ZFPM2: variants seen among roughly 807,000 people sequenced by gnomAD.
The protein encoded by ZFPM2 is zinc finger protein ZFPM2.
A neutral mutation model predicts 98.6 loss-of-function variants in ZFPM2; 20 were observed. The observed-to-expected ratio is 0.20, with a 90% confidence interval of 0.14 to 0.29. ZFPM2 has a LOEUF of 0.29. Ranked by LOEUF, ZFPM2 falls within the 10% of genes least tolerant of loss-of-function variation. The pLI, the probability that ZFPM2 is intolerant of heterozygous loss-of-function variation, is 1.00. For synonymous variants in ZFPM2, 518 were observed against 502.7 expected (o/e 1.03, Z -0.41); for missense variants, 1,310 against 1,388.6 (o/e 0.94, Z 0.90).
intron 5 of ZFPM2, among the ~76,000 whole-genome samples, chr8:105,673,150 T>G (rs1203956862): frequency 6.6e-6 from 1 of 151,518 alleles, no homozygotes; most frequent in Non-Finnish European, 1.5e-5. Flanking sequence ...AATATATTTT[T>G]TTTCATATTT....
At chr8:105,394,849 A>G (rs1811189782) in intron 1 of ZFPM2, among the ~76,000 whole-genome samples, 1 of 152,200 alleles carries the variant, frequency 6.6e-6, no homozygotes, top group Non-Finnish European at 1.5e-5. Flanking sequence ...TTTTAAAATC[A>G]GTTTATCCTT....
intron 1 of ZFPM2, among the ~76,000 whole-genome samples, chr8:105,319,259 C>G (rs1004600893): frequency 1.3e-5 from 2 of 152,160 alleles, no homozygotes; most frequent in Non-Finnish European, 2.9e-5. Flanking sequence ...AATTCCGACC[C>G]GCGCACGCTG....
chr8:105,710,850 C>T (rs192766998), intron 5 of ZFPM2, among the ~76,000 whole-genome samples: 3 of 152,074 alleles, frequency 2.0e-5, no homozygotes, highest in African/African-American at 7.2e-5. Context: ...TGAAGTGGTT[C>T]TAATAATAGT....
intron 4 of ZFPM2, among the ~76,000 whole-genome samples, chr8:105,629,287 G>C (rs1019396876): frequency 1.3e-5 from 2 of 152,216 alleles, no homozygotes; most frequent in African/African-American, 2.4e-5. Context: ...CCTGTTGCGA[G>C]TCCTGTGAAG....
chr8:105,777,758 C>T (rs1383755333), intron 5 of ZFPM2, among the ~76,000 whole-genome samples: 9 of 151,586 alleles, frequency 5.9e-5, no homozygotes, highest in East Asian at 3.9e-4. Context: ...TTGCTGCATA[C>T]GAAAAAAAGG....
chr8:105,694,283 G>A (rs1450379748), intron 5 of ZFPM2, among the ~76,000 whole-genome samples: 1 of 151,992 alleles, frequency 6.6e-6, no homozygotes, highest in Non-Finnish European at 1.5e-5. Flanking sequence ...ACCGCGCCCA[G>A]CCTCTCCAAA....
intron 5 of ZFPM2, among the ~76,000 whole-genome samples, chr8:105,741,753 G>T (rs1225100267): frequency 6.6e-6 from 1 of 151,284 alleles, no homozygotes; most frequent in Non-Finnish European, 1.5e-5. Context: ...ACTGTTATTG[G>T]TCATGAATGT....
At chr8:105,441,492 A>AAGAAAG (rs1554605007) in intron 2 of ZFPM2, among the ~76,000 whole-genome samples, 1 of 121,784 alleles carries the variant, frequency 8.2e-6, no homozygotes, top group Non-Finnish European at 1.6e-5. Flanking sequence ...GAAAGAAAGA[A>AAGAAAG]AGAAAGAAAT....
chr8:105,588,798 A>C (rs1815781237), intron 4 of ZFPM2, among the ~76,000 whole-genome samples: 1 of 152,198 alleles, frequency 6.6e-6, no homozygotes, highest in African/African-American at 2.4e-5. Flanking sequence ...ATGCCATTTA[A>C]GATAGTCTTT....
At chr8:105,487,178 T>A (rs1400980530) in intron 3 of ZFPM2, among the ~76,000 whole-genome samples, 1 of 152,162 alleles carries the variant, frequency 6.6e-6, no homozygotes, top group Non-Finnish European at 1.5e-5. Flanking sequence ...AGTGGTGCAA[T>A]CATGGCTCAC....
chr8:105,392,702 C>T (rs1358196812), intron 1 of ZFPM2, among the ~76,000 whole-genome samples: 1 of 152,126 alleles, frequency 6.6e-6, no homozygotes, highest in African/African-American at 2.4e-5. Flanking sequence ...TATAATGTCA[C>T]TAGTAGCATT....
At chr8:105,366,900 T>C (rs1810524664) in intron 1 of ZFPM2, among the ~76,000 whole-genome samples, 1 of 148,316 alleles carries the variant, frequency 6.7e-6, no homozygotes, top group Admixed American at 6.7e-5. Flanking sequence ...TTGATTTTTG[T>C]ATAAGGTGTA....
chr8:105,662,063 T>G (rs1817400365), intron 5 of ZFPM2, among the ~76,000 whole-genome samples: 2 of 151,906 alleles, frequency 1.3e-5, no homozygotes, highest in Admixed American at 6.6e-5. Context: ...ATAAGGCGAA[T>G]CCAGCACTTG....
chr8:105,668,622 T>C (rs1315908835), intron 5 of ZFPM2, among the ~76,000 whole-genome samples: 1 of 152,216 alleles, frequency 6.6e-6, no homozygotes, highest in African/African-American at 2.4e-5. Context: ...GGATTTATAT[T>C]AATATTAGGT....
At chr8:105,634,100 G>T in intron 4 of ZFPM2, 146 bp from the exon 5 acceptor site, 1 of 597,234 alleles carries the variant, frequency 1.7e-6, no homozygotes, top group African/African-American at 1.9e-5. Context: ...GTCTTAAAAA[G>T]ATATCATGAG....
chr8:105,646,401 G>A (rs2343609), intron 5 of ZFPM2, among the ~76,000 whole-genome samples: 46,602 of 151,894 alleles, frequency 0.31, 7,379 homozygotes, highest in Middle Eastern at 0.54. Context: ...AGGGAAGAAA[G>A]CCTAATGACA....
chr8:105,651,120 G>A (rs1817164069), intron 5 of ZFPM2, among the ~76,000 whole-genome samples: 1 of 152,050 alleles, frequency 6.6e-6, no homozygotes, highest in East Asian at 1.9e-4. Context: ...CCAGTGACAA[G>A]TCTCTCCATA....
chr8:105,555,764 A>G (rs1318424322), intron 3 of ZFPM2, among the ~76,000 whole-genome samples: 2 of 152,200 alleles, frequency 1.3e-5, no homozygotes, highest in African/African-American at 2.4e-5. Context: ...TCTAGAATTC[A>G]GAGAAGGTGC....
At chr8:105,355,317 C>G (rs1376457295) in intron 1 of ZFPM2, among the ~76,000 whole-genome samples, 2 of 152,176 alleles carry the variant, frequency 1.3e-5, no homozygotes, top group African/African-American at 2.4e-5. Context: ...TCCTGTCATA[C>G]TATGCTAAGG....
Sources: gnomAD v4.1 joint callset for allele counts (sites outside exome capture counted in the v4.1 genomes callset) on GRCh38, gnomAD v4.1.1 for gene constraint, MANE v1.5 for transcripts, NCBI Gene and HGNC (gene_info 2026-07-23, HGNC 2026-07-21) for gene names.